ZNF292: variants seen among roughly 807,000 people sequenced by gnomAD.
The protein encoded by ZNF292 is 16 zinc-finger domain protein.
Under a neutral mutation model 217.9 loss-of-function variants are expected in ZNF292, and 26 were observed. That is an observed-to-expected ratio of 0.12 (90% CI 0.09 to 0.17). ZNF292 has a LOEUF of 0.17. Ranked by LOEUF, ZNF292 falls within the 10% of genes least tolerant of loss-of-function variation. The pLI, the probability that ZNF292 is intolerant of heterozygous loss-of-function variation, is 1.00. For synonymous variants in ZNF292, 1,257 were observed against 1,124.1 expected (o/e 1.12, Z -2.37); for missense variants, 2,904 against 3,175.2 (o/e 0.91, Z 2.05).
At chr6:87,202,695 A>ATTC in intron 1 of ZNF292, among the ~76,000 whole-genome samples, 1 of 152,062 alleles carries the variant, frequency 6.6e-6, no homozygotes, top group Non-Finnish European at 1.5e-5. Context: ...AGAGATACTG[A>ATTC]TTCTTCTTTA....
chr6:87,181,443 TTGTG>T (rs749846088), intron 1 of ZNF292, among the ~76,000 whole-genome samples: 45 of 152,182 alleles, frequency 3.0e-4, no homozygotes, highest in Admixed American at 9.2e-4. Context: ...ATTCAGCAGT[TTGTG>T]TGTGTGCCCA....
At chr6:87,222,127 A>G (rs1043899049) in intron 4 of ZNF292, among the ~76,000 whole-genome samples, 5 of 151,882 alleles carry the variant, frequency 3.3e-5, no homozygotes, top group African/African-American at 1.2e-4. Context: ...ACTTGTCAAG[A>G]TTCTTTTTAA....
rs1170111040 is a variant in ZNF292, at chr6:87,257,783, C to G, written c.4154C>G (p.Thr1385Ser). The G allele has an allele frequency of 1.2e-6, 2 of 1,613,696 alleles. No homozygotes were observed. Among genetic ancestry groups the G allele is most frequent in the Admixed American group, 1.7e-5 (1 of 59,948 alleles). Residue 1385 changes from threonine (T) to serine (S), a missense_variant, in exon 8 of 8, where the codon ACT becomes AGT. Physicochemically the swap from Thr to Ser is moderately conservative, Grantham distance 58. Around this residue, in one of 15 missense-constraint regions of ZNF292, gnomAD observed 23 missense variants for 51.3 expected, o/e 0.45. Coordinates refer to ENST00000369577, the MANE Select transcript of ZNF292 (RefSeq NM_015021.3). ...FICSRCYRAF[T>S]NPRSLGGHLS... ...TGTAGCAGGTGTTACAGGGCTTTTA[C>G]TAATCCCAGATCACTGGGTGGGCAC...
rs372366337 is a variant in ZNF292, at chr6:87,226,435, C to T, written c.539-6890C>T. Among the ~76,000 whole-genome samples, 10 of 151,768 alleles carry T rather than the reference C, an allele frequency of 6.6e-5. No homozygotes were observed. The South Asian group carries it at 1.2e-3, about 19-fold the overall frequency. ...AGAGGGGATGGGAGGAGAGAGCTAG[C>T]GATAACTAATGTTGCCCAGGTAAAT... On this transcript the variant is annotated intron_variant, in intron 4 of 7. Coordinates refer to ENST00000369577, the MANE Select transcript of ZNF292 (RefSeq NM_015021.3).
intron 2 of ZNF292, 51 bp downstream of exon 2, chr6:87,216,108 GACACACACACACACACACACACAC>G (rs57115253): frequency 1.8e-4 from 95 of 516,120 alleles, no homozygotes; most frequent in African/African-American, 1.6e-3. Context: ...AAAATACATA[GACACACACACACACACACACACAC>G]ACACACACAC....
rs749873195 is a variant in ZNF292 at position 87,243,530 on chromosome 6, A to G, written c.797A>G (p.Glu266Gly). The G allele has an allele frequency of 5.8e-6, 9 of 1,557,892 alleles. No homozygotes were observed. The East Asian group carries it at 2.1e-4, about 37-fold the overall frequency. Reference sequence around the variant, plus strand: ...GAAATGATCTGTAACTTAGAATCTGAGGGTGATGAAAAAAGCGCTCTTGTT... The same window carrying G: ...GAAATGATCTGTAACTTAGAATCTGGGGGTGATGAAAAAAGCGCTCTTGTT... ...ALEMICNLES[E>G]GDEKSALVLC... The change falls in exon 6 of 8, where the codon GAG (glutamate) becomes GGG (glycine). Residue 266 changes from glutamate (E) to glycine (G), a missense_variant. Transcript: ENST00000369577.
chr6:87,222,290 C>T (rs538817308), intron 4 of ZNF292, among the ~76,000 whole-genome samples: 1 of 152,116 alleles, frequency 6.6e-6, no homozygotes, highest in Non-Finnish European at 1.5e-5. Context: ...TTAAAAAAAT[C>T]TTTCTGCTTG....
rs80249949 is a variant in ZNF292 at position 87,207,868 on chromosome 6, G to C, written c.169-8035G>C. ...TATTTTCCAGGCCCATTGCACAACT[G>C]TCTTCTTGGAATCTTACTTGCATTC... is the stretch of plus-strand genomic sequence containing the variant. On this transcript the variant is annotated intron_variant, in intron 1 of 7. Transcript: ENST00000369577. Among the ~76,000 whole-genome samples, 705 of 152,158 alleles carry C rather than the reference G, an allele frequency of 4.6e-3. 8 individuals are homozygous for C. Among genetic ancestry groups the C allele is most frequent in the African/African-American group, 0.016 (679 of 41,504 alleles).
At chr6:87,198,329 C>G (rs894336581) in intron 1 of ZNF292, among the ~76,000 whole-genome samples, 3 of 152,058 alleles carry the variant, frequency 2.0e-5, no homozygotes, top group Non-Finnish European at 1.5e-5. Context: ...CTTAGCCTCC[C>G]GAGTAGCTGG....
At chr6:87,155,806 G>C in intron 1 of ZNF292, 47 bp downstream of exon 1, 2 of 1,514,114 alleles carry the variant, frequency 1.3e-6, no homozygotes, top group South Asian at 2.6e-5. Flanking sequence ...GCTAGAGGGG[G>C]AAGAGGGCGA....
intron 1 of ZNF292, among the ~76,000 whole-genome samples, chr6:87,196,923 G>C (rs1771967141): frequency 2.0e-5 from 3 of 152,112 alleles, no homozygotes; most frequent in Admixed American, 2.0e-4. Context: ...GAAAACAATA[G>C]ATCCAGAAAA....
chr6:87,214,505 T>C lies in ZNF292; in HGVS notation c.169-1398T>C, dbSNP rs147434051. Among the ~76,000 whole-genome samples, 549 of 152,210 alleles carry C rather than the reference T, an allele frequency of 3.6e-3. 2 individuals carry two copies. The highest frequency in any genetic ancestry group is 0.013 in the African/African-American group (528 of 41,530). On this transcript the variant is annotated intron_variant, in intron 1 of 7. Coordinates refer to ENST00000369577, the MANE Select transcript of ZNF292 (RefSeq NM_015021.3). ...TGTTTCAGGGTTCATCTGGGAAAGATTGCAGTGTTTTTTCCTGGATATCTG... is the reference window on the plus strand; with the variant it reads ...TGTTTCAGGGTTCATCTGGGAAAGACTGCAGTGTTTTTTCCTGGATATCTG...
chr6:87,245,023 C>T (rs946471397), intron 6 of ZNF292, among the ~76,000 whole-genome samples: 1 of 151,982 alleles, frequency 6.6e-6, no homozygotes, highest in Non-Finnish European at 1.5e-5. Context: ...GGCGGATCAC[C>T]TGAGGTCAGG....
intron 5 of ZNF292, among the ~76,000 whole-genome samples, chr6:87,239,025 A>G (rs1340530044): frequency 2.0e-5 from 3 of 152,130 alleles, no homozygotes; most frequent in Non-Finnish European, 4.4e-5. Flanking sequence ...CAGCATCCCA[A>G]GGCAGAAGAA....
In ZNF292 at chr6:87,265,660, T is replaced by G. The variant is rs886663390; in HGVS notation, c.*3859T>G. Reference sequence around the variant, plus strand: ...CTTTTAATGTTAATACTTAGTTATATCCCACTGAACTAGCATTCTAAAGAA... The same window carrying G: ...CTTTTAATGTTAATACTTAGTTATAGCCCACTGAACTAGCATTCTAAAGAA... On this transcript the variant is annotated 3_prime_UTR_variant, in exon 8 of 8. Coordinates refer to ENST00000369577, the MANE Select transcript of ZNF292 (RefSeq NM_015021.3). Among the ~76,000 whole-genome samples, 1 of 152,234 alleles carries G rather than the reference T, an allele frequency of 6.6e-6. No individual in the cohort carries two copies. Among genetic ancestry groups the G allele is most frequent in the Non-Finnish European group, 1.5e-5 (1 of 68,038 alleles).
chr6:87,196,172 A>G (rs1245230912), intron 1 of ZNF292, among the ~76,000 whole-genome samples: 1 of 152,250 alleles, frequency 6.6e-6, no homozygotes, highest in Non-Finnish European at 1.5e-5. Flanking sequence ...GTGCCTTGCC[A>G]AATTGTCATT....
chr6:87,191,599 A>G (rs977013302), intron 1 of ZNF292, among the ~76,000 whole-genome samples: 2 of 152,228 alleles, frequency 1.3e-5, no homozygotes, highest in African/African-American at 4.8e-5. Flanking sequence ...GCAGTGATAA[A>G]CATTCTACAA....
intron 1 of ZNF292, among the ~76,000 whole-genome samples, chr6:87,204,708 C>T (rs962581546): frequency 6.6e-6 from 1 of 151,840 alleles, no homozygotes; most frequent in African/African-American, 2.4e-5. Flanking sequence ...GGATTACAGG[C>T]GCCTTCCACC....
intron 1 of ZNF292, among the ~76,000 whole-genome samples, chr6:87,197,303 G>C (rs947608111): frequency 1.3e-5 from 2 of 152,138 alleles, no homozygotes; most frequent in Non-Finnish European, 2.9e-5. Flanking sequence ...TGCTCTTCTG[G>C]AAATCTATCC....
Sources: allele counts gnomAD v4.1 joint callset (sites outside exome capture counted in the v4.1 genomes callset), GRCh38; gene constraint gnomAD v4.1.1; regional missense constraint gnomAD v4.1.1; transcripts MANE v1.5; gene names NCBI Gene and HGNC (gene_info 2026-07-23, HGNC 2026-07-21).